PLEKHA6: variants seen among roughly 807,000 people sequenced by gnomAD.
PLEKHA6 encodes pleckstrin homology domain-containing family A member 6.
PLEKHA6 carries 60 observed loss-of-function variants against 116.7 expected under a neutral mutation model. The ratio of observed to expected loss-of-function variants is 0.51; its 90% CI spans 0.42 to 0.64. The LOEUF is 0.64. PLEKHA6 is among the 30% of genes least tolerant of loss of function. PLEKHA6 has a pLI of 0.00. For synonymous variants in PLEKHA6, 489 were observed against 556.1 expected, an observed-to-expected ratio of 0.88 and a Z score of 1.70; for missense variants, 1,338 against 1,422.7, an observed-to-expected ratio of 0.94 and a Z score of 0.96.
chr1:204,365,919 C>G lies in PLEKHA6; in HGVS notation c.218+1880G>C, dbSNP rs1052595451. ...CAGGCAGAGCAGTCAGGCATGGCCT[C>G]TCTGAGGAGGTGACATGGGCTAATC... is the stretch of plus-strand genomic sequence containing the variant. On this transcript the variant is annotated intron_variant, in intron 3 of 4. Coordinates refer to the PLEKHA6 transcript ENST00000564627. Among the ~76,000 whole-genome samples, 2 of 152,092 alleles carry G rather than the reference C, an allele frequency of 1.3e-5. 1 individual carries two copies. The highest frequency in any genetic ancestry group is 2.9e-5 in the Non-Finnish European group (2 of 68,026).
At chr1:204,276,468 C>T (rs1377174884) in intron 1 of PLEKHA6, among the ~76,000 whole-genome samples, 1 of 152,166 alleles carries the variant, frequency 6.6e-6, no homozygotes, top group African/African-American at 2.4e-5. Context: ...ATCTGGTGGT[C>T]TGGGGGGCAA....
intron 21 of PLEKHA6, among the ~76,000 whole-genome samples, chr1:204,227,217 A>G (rs1016191814): frequency 6.6e-6 from 1 of 152,156 alleles, no homozygotes; most frequent in Non-Finnish European, 1.5e-5. Context: ...TGCCAGTGTC[A>G]TCTCCAACCA....
At chr1:204,370,559 CTG>C (rs1423468257) in intron 2 of PLEKHA6, among the ~76,000 whole-genome samples, 17 of 152,358 alleles carry the variant, frequency 1.1e-4, no homozygotes, top group Non-Finnish European at 2.5e-4. Context: ...ACAACTTAGA[CTG>C]AAGTCTTTTT....
chr1:204,223,474 A>G lies in PLEKHA6; in HGVS notation c.3143T>C (p.Val1048Ala). The change falls in exon 22 of 23, where the codon GTC becomes GCC. Residue 1048 changes from valine (V) to alanine (A), a missense_variant. This residue lies in a region of PLEKHA6 where 1,136 missense variants were observed against 1,163.6 expected (regional missense o/e 0.98). Coordinates refer to ENST00000272203, the MANE Select transcript of PLEKHA6 (RefSeq NM_014935.5). This position sits in a 1 kb window ranked among gnomAD's most constrained non-coding sequence, Gnocchi z 4.8. ...RGADSSYTMR[V>A] ...GAAAAGTGCTTACGTCAGAGCTCAGACCCGCATGGTATAGCTGCTGTCGGC... is the reference window on the plus strand; with the variant it reads ...GAAAAGTGCTTACGTCAGAGCTCAGGCCCGCATGGTATAGCTGCTGTCGGC... The G allele has an allele frequency of 6.5e-7, 1 of 1,534,500 alleles. No individual in the cohort carries two copies. Among genetic ancestry groups the G allele is most frequent in the Non-Finnish European group, 8.8e-7 (1 of 1,131,468 alleles).
Position 204,259,349 on chromosome 1 carries a change from C to T in PLEKHA6, c.916G>A (p.Asp306Asn). 6.2e-7 allele frequency: 1 copy of T among 1,614,240 alleles called. No individual in the cohort carries two copies. The highest frequency in any genetic ancestry group is 8.5e-7 in the Non-Finnish European group (1 of 1,180,050). ...RRSFPPRTNP[D>N]KIAQRKSSMN... Reference sequence around the variant, plus strand: ...GAGCTCTTGCGCTGGGCAATTTTGTCAGGGTTGGTGCGTGGTGGGAAACTC... The same window carrying T: ...GAGCTCTTGCGCTGGGCAATTTTGTTAGGGTTGGTGCGTGGTGGGAAACTC... The change falls in exon 8 of 23, where the codon GAC becomes AAC. Residue 306 changes from aspartate to asparagine, a missense_variant. Transcript: ENST00000272203. This position sits in a 1 kb window ranked among gnomAD's most constrained non-coding sequence, Gnocchi z 4.6.
intron 1 of PLEKHA6, among the ~76,000 whole-genome samples, chr1:204,316,295 C>A (rs1195978995): frequency 6.6e-6 from 1 of 152,134 alleles, no homozygotes; most frequent in Non-Finnish European, 1.5e-5. Flanking sequence ...TGGGTAAGAA[C>A]CTGACTTTCT....
rs1345050475 is a variant in PLEKHA6 at position 204,222,397 on chromosome 1, G to T, written c.*391C>A. ...CTAGTCCTCACATAAGATAGCCACAGGTGTGTTCTCCACCACGGCATGTCC... is the reference window on the plus strand; with the variant it reads ...CTAGTCCTCACATAAGATAGCCACATGTGTGTTCTCCACCACGGCATGTCC... On this transcript the variant is annotated 3_prime_UTR_variant, in exon 23 of 23. Coordinates refer to ENST00000272203, the MANE Select transcript of PLEKHA6 (RefSeq NM_014935.5). 1 of 152,752 alleles carries T rather than the reference G, an allele frequency of 6.5e-6. No individual in the cohort carries two copies. Among genetic ancestry groups the T allele is most frequent in the African/African-American group, 2.4e-5 (1 of 41,476 alleles). 9.5% of individuals were successfully genotyped at this position (152,752 alleles called of 1,614,324 possible).
At chr1:204,324,137 A>G (rs1346362618) in intron 1 of PLEKHA6, among the ~76,000 whole-genome samples, 1 of 152,136 alleles carries the variant, frequency 6.6e-6, no homozygotes, top group African/African-American at 2.4e-5. Context: ...TCCAGCCAGT[A>G]GGGATGTGTT....
intron 1 of PLEKHA6, among the ~76,000 whole-genome samples, chr1:204,333,896 G>A (rs528478188): frequency 1.8e-4 from 27 of 152,272 alleles, no homozygotes; most frequent in Non-Finnish European, 2.8e-4. Flanking sequence ...AACAAAAAAC[G>A]TCCATTCTTT....
chr1:204,374,188 G>A (rs757211388), intron 1 of PLEKHA6, among the ~76,000 whole-genome samples: 6 of 152,138 alleles, frequency 3.9e-5, no homozygotes, highest in South Asian at 2.1e-4. Context: ...CTGGGACAAC[G>A]CAGTCACAGG....
chr1:204,228,021 C>A lies in PLEKHA6; in HGVS notation c.3031+62G>T. On this transcript the variant is annotated intron_variant, in intron 21 of 22. Transcript: ENST00000272203. This position sits in a 1 kb window ranked among gnomAD's most constrained non-coding sequence, Gnocchi z 4.0. ...CCCCCTTGTAGCAGTGCCACGCTTC[C>A]TCCCTTAAACCTGGTCAGCTGGTTT... The A allele has an allele frequency of 6.5e-7, 1 of 1,548,052 alleles. No individual in the cohort carries two copies. Among genetic ancestry groups the A allele is most frequent in the African/African-American group, 1.4e-5 (1 of 73,380 alleles).
intron 21 of PLEKHA6, among the ~76,000 whole-genome samples, chr1:204,224,501 C>T (rs1476652443): frequency 6.6e-6 from 1 of 151,828 alleles, no homozygotes; most frequent in Non-Finnish European, 1.5e-5. Flanking sequence ...TCGTCCCCCA[C>T]CCTACCCTGG....
At chr1:204,363,821 C>T (rs1673604581), upstream of PLEKHA6, among the ~76,000 whole-genome samples, 1 of 152,102 alleles carries the variant, frequency 6.6e-6, no homozygotes, top group South Asian at 2.1e-4. Flanking sequence ...CTTGTGGGGC[C>T]ATCATGTGTG....
At chr1:204,341,672 A>G (rs551573025) in intron 1 of PLEKHA6, among the ~76,000 whole-genome samples, 1 of 152,328 alleles carries the variant, frequency 6.6e-6, no homozygotes, top group South Asian at 2.1e-4. Context: ...TTTGCTACTG[A>G]CAAAGCTGGG....
chr1:204,332,921 A>G (rs912590732), intron 1 of PLEKHA6, among the ~76,000 whole-genome samples: 10 of 152,208 alleles, frequency 6.6e-5, no homozygotes, highest in African/African-American at 2.2e-4. Context: ...ATAGAAGGAA[A>G]AGTGCTCTGA....
At position 204,327,014 on chromosome 1, in the gene PLEKHA6, A is replaced by G; in HGVS notation, c.-95+32680T>C. Reference sequence around the variant, plus strand: ...CCTCTGTAGTAGGGATTTGTGGACAAAGCAGCTACTTGGGTTTCAGCCTCT... The same window carrying G: ...CCTCTGTAGTAGGGATTTGTGGACAGAGCAGCTACTTGGGTTTCAGCCTCT... On this transcript the variant is annotated intron_variant, in intron 1 of 22. Coordinates refer to ENST00000272203, the MANE Select transcript of PLEKHA6 (RefSeq NM_014935.5). The G allele has an allele frequency of 3.0e-6, 3 of 985,288 alleles. No homozygotes were observed. The African/African-American group carries it at 5.2e-5, about 17-fold the overall frequency. The allele number at this position is 985,288 out of a possible 1,614,324, so 61.0% of individuals were successfully genotyped here. A position where few individuals can be genotyped will look rare whatever the true frequency, so the allele number is the denominator to read the frequency against.
intron 9 of PLEKHA6, among the ~76,000 whole-genome samples, chr1:204,253,844 A>C (rs896188181): frequency 2.0e-5 from 3 of 150,640 alleles, no homozygotes; most frequent in Non-Finnish European, 4.4e-5. Flanking sequence ...AAAAAAAAAA[A>C]AAAAAACAAA....
intron 17 of PLEKHA6, among the ~76,000 whole-genome samples, chr1:204,230,809 G>A (rs1321578405): frequency 6.6e-6 from 1 of 152,182 alleles, no homozygotes; most frequent in Non-Finnish European, 1.5e-5. Flanking sequence ...AAATCCAATG[G>A]TGTGTCCTCA....
chr1:204,256,998 C>T (rs756603676), intron 9 of PLEKHA6: 5 of 580,420 alleles, frequency 8.6e-6, no homozygotes, highest in Non-Finnish European at 1.5e-5. Flanking sequence ...AGAGCAGATC[C>T]CAAACTGAAA....
Sources: gnomAD v4.1 joint callset for allele counts (sites outside exome capture counted in the v4.1 genomes callset) on GRCh38, gnomAD v4.1.1 for gene constraint, gnomAD v4.1.1 regional missense constraint, Gnocchi (gnomAD v3.1) non-coding constraint, MANE v1.5 for transcripts, NCBI Gene and HGNC (gene_info 2026-07-23, HGNC 2026-07-21) for gene names.